PTPN4: variants seen among roughly 807,000 people sequenced by gnomAD.
PTPN4 encodes the protein protein tyrosine phosphatase non-receptor type 4, also known as tyrosine-protein phosphatase non-receptor type 4.
In PTPN4, 49 loss-of-function variants were observed where a neutral mutation model predicts 135.5. That is an observed-to-expected ratio of 0.36 (90% CI 0.29 to 0.46). The LOEUF (loss-of-function observed/expected upper bound fraction) is 0.46, where lower values mean the gene tolerates loss of function less well. Ranked by LOEUF, PTPN4 falls within the 20% of genes least tolerant of loss-of-function variation. PTPN4 has a pLI of 1.00. For synonymous variants in PTPN4, 333 were observed against 369.9 expected (o/e 0.90, Z 1.14); for missense variants, 860 against 1,101.0 (o/e 0.78, Z 3.10).
intron 1 of PTPN4, among the ~76,000 whole-genome samples, chr2:119,793,711 G>C (rs2104937214): frequency 6.6e-6 from 1 of 152,214 alleles, no homozygotes; most frequent in South Asian, 2.1e-4. Context: ...TTCACAATTT[G>C]TGTTCTTCTG....
chr2:119,796,681 C>T (rs1691266409), intron 1 of PTPN4, among the ~76,000 whole-genome samples: 1 of 152,138 alleles, frequency 6.6e-6, no homozygotes, highest in East Asian at 1.9e-4. Context: ...TTATATGGAT[C>T]TATGCATTTG....
At chr2:119,917,559 C>A (rs1678671841) in intron 11 of PTPN4, among the ~76,000 whole-genome samples, 2 of 152,064 alleles carry the variant, frequency 1.3e-5, no homozygotes, top group African/African-American at 4.8e-5. Context: ...CATGGCAAAA[C>A]CCCATCTCTA....
chr2:119,827,676 G>A (rs1385770133), intron 2 of PTPN4, among the ~76,000 whole-genome samples: 3 of 152,138 alleles, frequency 2.0e-5, no homozygotes, highest in African/African-American at 4.8e-5. Context: ...AGATGCGTCC[G>A]TTGTGCTTCC....
At chr2:119,843,652 C>T (rs1339229667) in intron 2 of PTPN4, among the ~76,000 whole-genome samples, 25 of 77,782 alleles carry the variant, frequency 3.2e-4, no homozygotes, top group Non-Finnish European at 4.1e-4. Flanking sequence ...CCGGACGGGG[C>T]GGCTGGCCGG....
intron 1 of PTPN4, among the ~76,000 whole-genome samples, chr2:119,784,696 ATTT>A (rs58879330): frequency 1.8e-5 from 2 of 110,164 alleles, no homozygotes; most frequent in African/African-American, 3.8e-5. Context: ...TGCCCAGCTA[ATTT>A]TTTTTTTTTT....
chr2:119,952,071 T>G lies in PTPN4; in HGVS notation c.1755T>G (p.Phe585Leu), dbSNP rs767097798. ...ACACTCATGATCAGGTTGTGCTGTTTATTAAAGCTAGTTGTGAGAGACATT... is the reference window on the plus strand; with the variant it reads ...ACACTCATGATCAGGTTGTGCTGTTGATTAAAGCTAGTTGTGAGAGACATT... Reference protein sequence around the residue: ...AEHTHDQVVLFIKASCERHSG... With the variant: ...AEHTHDQVVLLIKASCERHSG... The change falls in exon 19 of 27, where the codon TTT becomes TTG. Residue 585 changes from phenylalanine (F) to leucine (L), a missense_variant. Physicochemically the swap from Phe to Leu is conservative, Grantham distance 22 (BLOSUM62 0). Coordinates refer to ENST00000263708, the MANE Select transcript of PTPN4 (RefSeq NM_002830.4). 9 of 1,613,504 alleles carry G rather than the reference T, an allele frequency of 5.6e-6. No homozygotes were observed. Among genetic ancestry groups the G allele is most frequent in the South Asian group, 1.1e-5 (1 of 91,074 alleles).
intron 9 of PTPN4, among the ~76,000 whole-genome samples, chr2:119,888,971 G>T (rs528874766): frequency 1.3e-5 from 2 of 152,248 alleles, no homozygotes; most frequent in East Asian, 1.9e-4. Flanking sequence ...GCGTTTCTGT[G>T]TTGGGAGACT....
At chr2:119,847,275 T>TACACAC (rs775485671) in intron 2 of PTPN4, among the ~76,000 whole-genome samples, 2,890 of 107,426 alleles carry the variant, frequency 0.027, 62 homozygotes, top group Non-Finnish European at 0.037. Flanking sequence ...ATACTCTATA[T>TACACAC]ACACACACAC....
chr2:119,784,101 G>A (rs1360857557), intron 1 of PTPN4, among the ~76,000 whole-genome samples: 1 of 152,154 alleles, frequency 6.6e-6, no homozygotes, highest in Non-Finnish European at 1.5e-5. Flanking sequence ...GAAGCATCCT[G>A]AGAGTGAGTG....
chr2:119,759,970 C>T lies in PTPN4; in HGVS notation c.-432C>T, dbSNP rs1285480994. ...GCGCAGTGCGCTTTTCCGCTCCTCG[C>T]GCCCCACCACCAACATTGTTCTCTC... On this transcript the variant is annotated 5_prime_UTR_variant, in exon 1 of 27. Coordinates refer to ENST00000263708, the MANE Select transcript of PTPN4 (RefSeq NM_002830.4). 5 of 375,590 alleles carry T rather than the reference C, an allele frequency of 1.3e-5. No individual in the cohort carries two copies. The highest frequency in any genetic ancestry group is 2.4e-5 in the Non-Finnish European group (5 of 211,930). The allele number at this position is 375,590 out of a possible 1,614,324, so 23.3% of individuals were successfully genotyped here.
intron 26 of PTPN4, among the ~76,000 whole-genome samples, chr2:119,976,745 G>A (rs113645698): frequency 1.1e-3 from 169 of 152,236 alleles, no homozygotes; most frequent in African/African-American, 3.6e-3. Flanking sequence ...CTTTATAGAG[G>A]CTGCAGTATT....
At chr2:119,896,331 G>C (rs1037847880) in intron 9 of PTPN4, among the ~76,000 whole-genome samples, 3 of 152,054 alleles carry the variant, frequency 2.0e-5, no homozygotes, top group Admixed American at 1.3e-4. Context: ...TAATCTACAG[G>C]TTGTTGCTTC....
chr2:119,831,233 A>G (rs1677215242), intron 2 of PTPN4, among the ~76,000 whole-genome samples: 1 of 152,112 alleles, frequency 6.6e-6, no homozygotes, highest in Non-Finnish European at 1.5e-5. Flanking sequence ...TTAGACAGTA[A>G]TGCTTGCTAG....
chr2:119,932,316 A>G (rs1558767690), intron 13 of PTPN4, 108 bp from the exon 14 acceptor site: 2 of 1,118,080 alleles, frequency 1.8e-6, no homozygotes, highest in Non-Finnish European at 2.5e-6. Context: ...TAAACTCTTT[A>G]TGTTGCTCAT....
chr2:119,872,027 G>A (rs1677917455), intron 3 of PTPN4, among the ~76,000 whole-genome samples: 1 of 152,138 alleles, frequency 6.6e-6, no homozygotes, highest in African/African-American at 2.4e-5. Context: ...GAGCTGTAGT[G>A]GGAAAATATT....
chr2:119,825,671 T>C (rs1677136565), intron 2 of PTPN4, among the ~76,000 whole-genome samples: 1 of 151,972 alleles, frequency 6.6e-6, no homozygotes, highest in Non-Finnish European at 1.5e-5. Context: ...AATTTTTGTA[T>C]TTTTAGTAGA....
chr2:119,864,085 G>GA (rs1332665130), intron 3 of PTPN4, among the ~76,000 whole-genome samples: 1 of 152,152 alleles, frequency 6.6e-6, no homozygotes, highest in Non-Finnish European at 1.5e-5. Context: ...AGTTTTTAAA[G>GA]AATAAAGAGG....
chr2:119,811,509 CCAAA>C (rs1484758849), intron 2 of PTPN4, among the ~76,000 whole-genome samples: 1 of 152,004 alleles, frequency 6.6e-6, no homozygotes, highest in Non-Finnish European at 1.5e-5. Flanking sequence ...ATATAGGTTG[CCAAA>C]CAGAGATAAC....
rs73948987 is a variant in PTPN4, at chr2:119,984,422, G to A, written c.*7352G>A. Among the ~76,000 whole-genome samples the A allele has an allele frequency of 5.0e-3, 767 of 152,174 alleles. 4 individuals carry two copies. The highest frequency in any genetic ancestry group is 0.018 in the African/African-American group (737 of 41,532). On this transcript the variant is annotated 3_prime_UTR_variant, in exon 27 of 27. Transcript: ENST00000263708. Reference sequence around the variant, plus strand: ...CATGTTTGATTCTATTAAACTAGTGGCAAAACAGAATTGGTCCCTTAGTTT... The same window carrying A: ...CATGTTTGATTCTATTAAACTAGTGACAAAACAGAATTGGTCCCTTAGTTT...
Sources: allele counts gnomAD v4.1 joint callset (sites outside exome capture counted in the v4.1 genomes callset), GRCh38; gene constraint gnomAD v4.1.1; transcripts MANE v1.5; gene names NCBI Gene and HGNC (gene_info 2026-07-23, HGNC 2026-07-21).